Variants in THPO observed in about 807,000 individuals in gnomAD.
The protein encoded by THPO is thrombopoietin.
In THPO, 12 loss-of-function variants were observed where a neutral mutation model predicts 17.0. The observed-to-expected ratio is 0.71, with a 90% CI of 0.45 to 1.14. The LOEUF (loss-of-function observed/expected upper bound fraction) is 1.14. THPO is among the 50% of genes most tolerant of loss of function. THPO has a pLI of 0.00. For missense variants in THPO, 365 were observed against 427.5 expected, an observed-to-expected ratio of 0.85 and a Z score of 1.29; for synonymous variants, 188 against 183.0, an observed-to-expected ratio of 1.03 and a Z score of -0.22.
At chr3:184,378,939 C>T (rs780836391), upstream of THPO, 1,041 of 849,558 alleles carry the variant, frequency 1.2e-3, 1 homozygote, top group Admixed American at 3.3e-3. Context: ...GGACCTCCCC[C>T]GCAAATACCT....
At position 184,372,511 on chromosome 3, in the gene THPO, C is replaced by T. The variant is rs377310955; in HGVS notation, c.*2G>A. 6.2e-6 allele frequency: 10 copies of T among 1,614,062 alleles called. No homozygotes were observed. In the African/African-American group the frequency reaches 1.1e-4, roughly 17 times the overall value. On this transcript the variant is annotated 3_prime_UTR_variant, in exon 6 of 6. Coordinates refer to ENST00000647395, the MANE Select transcript of THPO (RefSeq NM_000460.4). ...TGCTGATGTCGGCAGTGTCTGAGAA[C>T]CTTACCCTTCCTGAGACAGATTCTG...
upstream of THPO, chr3:184,378,720 A>G (rs1273833035): frequency 3.6e-6 from 3 of 825,766 alleles, no homozygotes; most frequent in Non-Finnish European, 4.4e-6. Flanking sequence ...TGCGGGGCAC[A>G]TGTATGTGCG....
At chr3:184,375,385 T>G in intron 4 of THPO, 130 bp downstream of exon 4, 4 of 862,168 alleles carry the variant, frequency 4.6e-6, no homozygotes, top group Non-Finnish European at 7.8e-6. Context: ...TGAATGTAGA[T>G]TGGGTTAGGG....
At chr3:184,375,369 C>G in intron 4 of THPO, 146 bp downstream of exon 4, 1 of 776,446 alleles carries the variant, frequency 1.3e-6, no homozygotes, top group Non-Finnish European at 2.3e-6. Context: ...AGGCTATCAT[C>G]ATAGGTGAAT....
intron 4 of THPO, 112 bp downstream of exon 4, chr3:184,375,403 G>A: frequency 8.7e-7 from 1 of 1,152,204 alleles, no homozygotes; most frequent in South Asian, 1.2e-5. Context: ...GGGTGGCCAA[G>A]CTGAAGGTGA....
At chr3:184,378,807 G>C, upstream of THPO, 1 of 985,386 alleles carries the variant, frequency 1.0e-6, no homozygotes, top group Non-Finnish European at 1.2e-6. Flanking sequence ...TACACACACA[G>C]ACCTCTGTGC....
rs1560282452 is a variant in THPO, at chr3:184,372,926, CAG to C, written c.647_648del (p.Ser216TrpfsTer110). ...NFTASARTTG[S>X]GLLKWQQGFR... The stretch of plus-strand genomic sequence containing the variant: ...AATCCCTGCTGCCACTTCAGAAGCC[CAG>C]AGCCAGTAGTTCTGGCTGAGGCAGT... On this transcript the variant is annotated frameshift_variant, in exon 6 of 6. Coordinates refer to ENST00000647395, the MANE Select transcript of THPO (RefSeq NM_000460.4). LOFTEE classifies it low-confidence loss of function (END_TRUNC). 6.2e-7 allele frequency: 1 copy of C among 1,614,128 alleles called. No individual in the cohort carries two copies. Among genetic ancestry groups the C allele is most frequent in the Non-Finnish European group, 8.5e-7 (1 of 1,180,014 alleles).
chr3:184,378,112 G>A lies in THPO; in HGVS notation c.-183C>T. 1.0e-6 allele frequency: 1 copy of A among 985,694 alleles called. No individual in the cohort carries two copies. Among genetic ancestry groups the A allele is most frequent in the Non-Finnish European group, 1.2e-6 (1 of 830,116 alleles). The allele number at this position is 985,694 out of a possible 1,614,324, so 61.1% of individuals were successfully genotyped here. A position where few individuals can be genotyped will look rare whatever the true frequency, so the allele number is the denominator to read the frequency against. On this transcript the variant is annotated 5_prime_UTR_variant, in exon 1 of 6. Transcript: ENST00000647395. ...GGCTCCAGGACCCAAGTGCACAGCA[G>A]GCAGCCCTCTGGGGAGCAGATGGGT...
chr3:184,372,461 G>A lies in THPO; in HGVS notation c.*52C>T. The A allele has an allele frequency of 6.2e-7, 1 of 1,608,876 alleles. No homozygotes were observed. The highest frequency in any genetic ancestry group is 8.5e-7 in the Non-Finnish European group (1 of 1,175,546). ...AGTTGTCTCCCAGGGGCGCCCTGCA[G>A]GGAAGGGAGCTGTACACGAGACAAT... On this transcript the variant is annotated 3_prime_UTR_variant, in exon 6 of 6. Coordinates refer to ENST00000647395, the MANE Select transcript of THPO (RefSeq NM_000460.4).
At chr3:184,378,872 A>C (rs918952821), upstream of THPO, 94 of 985,188 alleles carry the variant, frequency 9.5e-5, no homozygotes, top group Non-Finnish European at 1.1e-4. Flanking sequence ...ACCGTTCCAC[A>C]TGTGACAAGA....
chr3:184,373,715 G>T, intron 4 of THPO, 133 bp from the exon 5 acceptor site: 2 of 1,047,062 alleles, frequency 1.9e-6, no homozygotes, highest in Non-Finnish European at 2.9e-6. Context: ...CCCACCCAGG[G>T]CAGGAATTCC....
upstream of THPO, chr3:184,378,456 A>G (rs1714634372): frequency 1.1e-6 from 1 of 951,420 alleles, no homozygotes. Context: ...AGAAGCACAG[A>G]GGTCTTGTTT....
chr3:184,378,825 C>T (rs1012986838), upstream of THPO: 1 of 985,332 alleles, frequency 1.0e-6, no homozygotes, highest in Non-Finnish European at 1.2e-6. Context: ...TGCCCAGGGC[C>T]CTCCTTTGCT....
At position 184,372,954 on chromosome 3, in the gene THPO, G is replaced by T. The variant is rs775530576; in HGVS notation, c.621C>A (p.Phe207Leu). Residue 207 changes from phenylalanine (F) to leucine (L), a missense_variant, in exon 6 of 6, where the codon TTC (phenylalanine) becomes TTA (leucine). By Grantham distance (22) the Phe-to-Leu change is conservative. Coordinates refer to ENST00000647395, the MANE Select transcript of THPO (RefSeq NM_000460.4). ...NRTSGLLETN[F>L]TASARTTGSG... ...AGCCAGTAGTTCTGGCTGAGGCAGT[G>T]AAGTTTGTCTCCAACAATCCAGAAG... 1.2e-6 allele frequency: 2 copies of T among 1,614,184 alleles called. No homozygotes were observed. Among genetic ancestry groups the T allele is most frequent in the East Asian group, 2.2e-5 (1 of 44,878 alleles).
chr3:184,375,116 T>G (rs1480886530), intron 4 of THPO, among the ~76,000 whole-genome samples: 1 of 152,200 alleles, frequency 6.6e-6, no homozygotes, highest in Non-Finnish European at 1.5e-5. Context: ...TTGTTTCACC[T>G]TGTTTTTGAC....
At position 184,378,152 on chromosome 3, in the gene THPO, C is replaced by T. The variant is rs1180181144; in HGVS notation, c.-223G>A. On this transcript the variant is annotated 5_prime_UTR_variant, in exon 1 of 6. Coordinates refer to ENST00000647395, the MANE Select transcript of THPO (RefSeq NM_000460.4). ...AGCAGATGGGTAGGAAGACATGTGG[C>T]GGTGGGGCACAGCCCCTCCACAGCA... 163 of 985,524 alleles carry T rather than the reference C, an allele frequency of 1.7e-4. No individual in the cohort carries two copies. The highest frequency in any genetic ancestry group is 1.9e-4 in the South Asian group (4 of 21,288). The allele number at this position is 985,524 out of a possible 1,614,324, so 61.0% of individuals were successfully genotyped here.
In THPO at chr3:184,372,843, G is replaced by C. The variant is rs774260252; in HGVS notation, c.732C>G (p.Pro244=). ...NQTSRSLDQI[P]GYLNRIHELL... ...GTTCGTGTATCCTGTTCAGGTATCC[G>C]GGGATTTGGTCCAGGGACCTGGAGG... The change falls in exon 6 of 6, where the codon CCC becomes CCG. Residue 244 remains proline (P), a synonymous_variant. Transcript: ENST00000647395. 5 of 1,614,110 alleles carry C rather than the reference G, an allele frequency of 3.1e-6. No homozygotes were observed. Among genetic ancestry groups the C allele is most frequent in the Non-Finnish European group, 4.2e-6 (5 of 1,180,028 alleles).
intron 1 of THPO, among the ~76,000 whole-genome samples, chr3:184,377,504 C>A (rs565189617): frequency 6.6e-6 from 1 of 152,172 alleles, no homozygotes; most frequent in Non-Finnish European, 1.5e-5. Flanking sequence ...CTCCCTGCCC[C>A]CTTGGCAGAA....
chr3:184,376,213 C>T, intron 2 of THPO, 34 bp downstream of exon 2: 4 of 1,614,060 alleles, frequency 2.5e-6, no homozygotes, highest in South Asian at 2.2e-5. Context: ...TGTCATGTTT[C>T]CATATGGCCC....
Sources: allele counts gnomAD v4.1 joint callset (sites outside exome capture counted in the v4.1 genomes callset), GRCh38; gene constraint gnomAD v4.1.1; transcripts MANE v1.5; gene names NCBI Gene and HGNC (gene_info 2026-07-23, HGNC 2026-07-21).